PTCHD4: variants seen among roughly 807,000 people sequenced by gnomAD.
PTCHD4 encodes the protein patched domain containing 4, also known as patched domain-containing protein 4.
PTCHD4 carries 33 observed loss-of-function variants against 58.1 expected under a neutral mutation model. The ratio of observed to expected loss-of-function variants is 0.57; its 90% confidence interval spans 0.43 to 0.76. PTCHD4 has a LOEUF of 0.76. PTCHD4 is among the 30% of genes least tolerant of loss of function. PTCHD4 has a pLI of 0.00. For missense variants in PTCHD4, 1,058 were observed against 1,027.1 expected (o/e 1.03, Z -0.41); for synonymous variants, 478 against 409.6 (o/e 1.17, Z -2.02).
chr6:47,893,688 C>A (rs565036742), intron 4 of PTCHD4, among the ~76,000 whole-genome samples: 1 of 152,184 alleles, frequency 6.6e-6, no homozygotes, highest in African/African-American at 2.4e-5. Flanking sequence ...TCCCTTAGTA[C>A]AAATATCTGG....
chr6:47,921,038 G>A (rs1215401271), intron 4 of PTCHD4, among the ~76,000 whole-genome samples: 1 of 151,868 alleles, frequency 6.6e-6, no homozygotes, highest in African/African-American at 2.4e-5. Context: ...AAGAGACATC[G>A]ATTAAAACAA....
chr6:48,076,818 C>T (rs1399598442), intron 1 of PTCHD4, among the ~76,000 whole-genome samples: 2 of 152,174 alleles, frequency 1.3e-5, no homozygotes, highest in Non-Finnish European at 2.9e-5. Flanking sequence ...AAGTTATGTA[C>T]AGAAACAGCA....
At chr6:47,892,790 G>A (rs1377234004) in intron 4 of PTCHD4, among the ~76,000 whole-genome samples, 2 of 152,168 alleles carry the variant, frequency 1.3e-5, no homozygotes, top group African/African-American at 4.8e-5. Flanking sequence ...AGTTTTAAGG[G>A]GCATCCCTGA....
rs1763382211 is a variant in PTCHD4, at chr6:47,859,900, T to C, written c.*18403A>G. 6.6e-6 allele frequency among the ~76,000 whole-genome samples: 1 copy of C among 151,770 alleles called. No homozygotes were observed. Among genetic ancestry groups the C allele is most frequent in the Non-Finnish European group, 1.5e-5 (1 of 67,890 alleles). ...ATGACAAAAGACCAAAGGGGGTGCA[T>C]GGTTGATGCAGAGAGAACAAAGGGG... On this transcript the variant is annotated 3_prime_UTR_variant, in exon 5 of 5. Transcript: ENST00000339488.
At chr6:47,903,743 C>T (rs527950195) in intron 4 of PTCHD4, among the ~76,000 whole-genome samples, 1 of 152,276 alleles carries the variant, frequency 6.6e-6, no homozygotes, top group African/African-American at 2.4e-5. Context: ...GACTTACATT[C>T]TAGTGAAAAA....
intron 4 of PTCHD4, among the ~76,000 whole-genome samples, chr6:47,914,744 TTATC>T (rs148847302): frequency 0.053 from 6,107 of 116,070 alleles, 224 homozygotes; most frequent in African/African-American, 0.11. Context: ...TATCTATCTA[TTATC>T]TATCTATCTA....
intron 4 of PTCHD4, among the ~76,000 whole-genome samples, chr6:47,995,718 C>T (rs149315536): frequency 8.2e-4 from 125 of 152,236 alleles, no homozygotes; most frequent in African/African-American, 3.0e-3. Context: ...ACCATCATTG[C>T]CTCCAGCCTT....
At chr6:48,056,681 G>A (rs1764416425) in intron 3 of PTCHD4, among the ~76,000 whole-genome samples, 1 of 152,194 alleles carries the variant, frequency 6.6e-6, no homozygotes, top group Non-Finnish European at 1.5e-5. Context: ...TATGATGGGA[G>A]CTCTGGCCCT....
At chr6:47,937,572 C>A (rs750699224) in intron 4 of PTCHD4, among the ~76,000 whole-genome samples, 4 of 152,158 alleles carry the variant, frequency 2.6e-5, no homozygotes, top group Non-Finnish European at 4.4e-5. Context: ...CATTAGGCAT[C>A]AAATGGCTAT....
At chr6:48,062,339 C>T (rs1764659303) in intron 3 of PTCHD4, among the ~76,000 whole-genome samples, 1 of 151,944 alleles carries the variant, frequency 6.6e-6, no homozygotes, top group African/African-American at 2.4e-5. Flanking sequence ...TCTTTGAGTT[C>T]TACTCTCCAC....
chr6:48,101,834 CCTT>C (rs1765609034), intron 1 of PTCHD4, among the ~76,000 whole-genome samples: 1 of 152,146 alleles, frequency 6.6e-6, no homozygotes, highest in African/African-American at 2.4e-5. Flanking sequence ...TTCTTTTACT[CCTT>C]CTCTCCTTCT....
rs550610157 is a variant in PTCHD4 at position 48,100,437 on chromosome 6, T to C, written c.-970+10612A>G. Among the ~76,000 whole-genome samples the C allele has an allele frequency of 1.4e-4, 22 of 152,336 alleles. No homozygotes were observed. The East Asian group carries it at 3.1e-3, about 21-fold the overall frequency. On this transcript the variant is annotated intron_variant, in intron 1 of 4. Coordinates refer to ENST00000339488, the MANE Select transcript of PTCHD4 (RefSeq NM_001384253.1). ...ACAGAACCTCTCTTTTCAGTCATGA[T>C]GACTCAATTCCCAAGCAACAGTAAC...
chr6:47,917,283 G>A (rs1190363390), intron 4 of PTCHD4, among the ~76,000 whole-genome samples: 3 of 152,042 alleles, frequency 2.0e-5, no homozygotes, highest in East Asian at 3.9e-4. Flanking sequence ...AAATTCCCAT[G>A]CCACAAAGAA....
At chr6:48,021,430 A>G (rs1371779884) in intron 3 of PTCHD4, among the ~76,000 whole-genome samples, 1 of 152,100 alleles carries the variant, frequency 6.6e-6, no homozygotes, top group African/African-American at 2.4e-5. Flanking sequence ...CCTGGTATTG[A>G]ACTTGACTTC....
chr6:47,890,961 A>C, intron 4 of PTCHD4: 1 of 853,476 alleles, frequency 1.2e-6, no homozygotes. Context: ...TAATCCCAGC[A>C]CTTTGGGGGG....
At chr6:48,024,206 C>T (rs1245440357) in intron 3 of PTCHD4, among the ~76,000 whole-genome samples, 1 of 152,134 alleles carries the variant, frequency 6.6e-6, no homozygotes, top group Non-Finnish European at 1.5e-5. Flanking sequence ...GAATGATTCA[C>T]TGAACTTAAA....
chr6:47,971,096 G>GA (rs1415709093), intron 4 of PTCHD4, among the ~76,000 whole-genome samples: 1 of 152,094 alleles, frequency 6.6e-6, no homozygotes, highest in Non-Finnish European at 1.5e-5. Flanking sequence ...GACACCAAGG[G>GA]ATCACAAGAT....
intron 4 of PTCHD4, among the ~76,000 whole-genome samples, chr6:47,922,651 G>A (rs1036273690): frequency 1.3e-5 from 2 of 152,170 alleles, no homozygotes; most frequent in South Asian, 2.1e-4. Flanking sequence ...TTCCCTTGGC[G>A]GGGTGCCCTT....
intron 1 of PTCHD4, among the ~76,000 whole-genome samples, chr6:48,087,555 A>G (rs898656780): frequency 6.6e-6 from 1 of 152,180 alleles, no homozygotes; most frequent in Non-Finnish European, 1.5e-5. Context: ...TTTAATCTTC[A>G]AAATAGTCCT....
Sources: allele counts gnomAD v4.1 joint callset (sites outside exome capture counted in the v4.1 genomes callset), GRCh38; gene constraint gnomAD v4.1.1; transcripts MANE v1.5; gene names NCBI Gene and HGNC (gene_info 2026-07-23, HGNC 2026-07-21).